The following PLCZ1 variants were observed in gnomAD, a reference collection of about 807,000 sequenced individuals.
PLCZ1 encodes the protein phospholipase C zeta 1.
A neutral mutation model predicts 76.8 loss-of-function variants in PLCZ1; 64 were observed. The ratio of observed to expected loss-of-function variants is 0.83; its 90% CI spans 0.68 to 1.03. PLCZ1 has a LOEUF of 1.03. Ranked by LOEUF, PLCZ1 falls within the 50% of genes least tolerant of loss-of-function variation. The pLI is 0.00. For missense variants in PLCZ1, 751 were observed against 713.7 expected, an observed-to-expected ratio of 1.05 and a Z score of -0.60; for synonymous variants, 248 against 230.8, an observed-to-expected ratio of 1.07 and a Z score of -0.68.
In PLCZ1 at chr12:18,723,556, G is replaced by A; in HGVS notation, c.136-14C>T. On this transcript the variant is annotated splice_polypyrimidine_tract_variant and intron_variant, in intron 3 of 14. Coordinates refer to ENST00000266505, the MANE Select transcript of PLCZ1 (RefSeq NM_033123.4). ...CCTGTCATTGTCCTACTAAAAAAAT[G>A]ACTGGTGGGCTCACATTGTGAGTAT... 6.3e-7 allele frequency: 1 copy of A among 1,589,788 alleles called. No individual in the cohort carries two copies. Among genetic ancestry groups the A allele is most frequent in the Non-Finnish European group, 8.6e-7 (1 of 1,159,870 alleles).
the PLCZ1 span, among the ~76,000 whole-genome samples, chr12:18,660,121 A>T: frequency 6.6e-6 from 1 of 152,134 alleles, no homozygotes; most frequent in East Asian, 1.9e-4. Context: ...GAGTCTACTG[A>T]AGGCTTGCTT....
chr12:18,667,954 C>T, the PLCZ1 span, among the ~76,000 whole-genome samples: 1 of 152,070 alleles, frequency 6.6e-6, no homozygotes, highest in South Asian at 2.1e-4. Context: ...AACTTTGAGT[C>T]CTGAGGAGAA....
chr12:18,663,251 A>C, the PLCZ1 span, among the ~76,000 whole-genome samples: 1 of 152,128 alleles, frequency 6.6e-6, no homozygotes, highest in Non-Finnish European at 1.5e-5. Flanking sequence ...AAGGAAATAA[A>C]AGACATCTAA....
the PLCZ1 span, among the ~76,000 whole-genome samples, chr12:18,658,154 C>T: frequency 1.3e-5 from 2 of 151,824 alleles, no homozygotes; most frequent in Admixed American, 1.3e-4. Flanking sequence ...ATCTGAGGAA[C>T]AAAAGGAATA....
chr12:18,676,010 T>TA, the PLCZ1 span, among the ~76,000 whole-genome samples: 59,349 of 151,236 alleles, frequency 0.39, 14,060 homozygotes, highest in South Asian at 0.6. Flanking sequence ...TGAATCTATT[T>TA]AAAAAAAAAC....
chr12:18,649,925 C>G, the PLCZ1 span, among the ~76,000 whole-genome samples: 1 of 152,072 alleles, frequency 6.6e-6, no homozygotes, highest in South Asian at 2.1e-4. Context: ...CTCCTCTCCA[C>G]CACCTCCAGT....
downstream of PLCZ1, among the ~76,000 whole-genome samples, chr12:18,681,720 A>C (rs191813409): frequency 2.7e-4 from 41 of 152,198 alleles, no homozygotes; most frequent in Admixed American, 1.8e-3. Context: ...GAATATTTCA[A>C]AATGAACAAT....
At chr12:18,673,027 C>T in the PLCZ1 span, among the ~76,000 whole-genome samples, 1 of 152,104 alleles carries the variant, frequency 6.6e-6, no homozygotes, top group Non-Finnish European at 1.5e-5. Context: ...CATTAAAATA[C>T]AGAAGTGTTT....
the PLCZ1 span, among the ~76,000 whole-genome samples, chr12:18,664,828 C>CA: frequency 3.3e-5 from 5 of 150,578 alleles, no homozygotes; most frequent in African/African-American, 7.3e-5. Flanking sequence ...TATGCAGCCA[C>CA]AAAAAATGAT....
At chr12:18,711,381 T>A (rs1957306516) in intron 6 of PLCZ1, among the ~76,000 whole-genome samples, 1 of 84,882 alleles carries the variant, frequency 1.2e-5, no homozygotes, top group Non-Finnish European at 2.1e-5. Context: ...CTGGGGACTG[T>A]TGTGGGGTGG....
chr12:18,680,065 A>G (rs1408205115), downstream of PLCZ1, among the ~76,000 whole-genome samples: 2 of 151,898 alleles, frequency 1.3e-5, no homozygotes, highest in African/African-American at 4.8e-5. Flanking sequence ...TGGTACACAT[A>G]TTTCCAGTGT....
At chr12:18,714,757 G>A (rs374166817) in intron 5 of PLCZ1, 10 of 152,228 alleles carry the variant, frequency 6.6e-5, no homozygotes, top group African/African-American at 2.4e-4. Flanking sequence ...ACTGGAGATA[G>A]GGAGAGGTTT....
intron 10 of PLCZ1, 118 bp downstream of exon 10, chr12:18,699,676 A>C (rs1955624974): frequency 5.4e-6 from 6 of 1,105,794 alleles, no homozygotes; most frequent in South Asian, 2.6e-5. Context: ...AATTATGTTA[A>C]ATGTGTTGAA....
chr12:18,716,408 G>A (rs1382283160), intron 5 of PLCZ1, among the ~76,000 whole-genome samples: 1 of 152,310 alleles, frequency 6.6e-6, no homozygotes, highest in Non-Finnish European at 1.5e-5. Flanking sequence ...CCAGCAAAAT[G>A]TTTTCAGTGA....
At chr12:18,676,153 A>T in the PLCZ1 span, among the ~76,000 whole-genome samples, 4 of 152,156 alleles carry the variant, frequency 2.6e-5, no homozygotes, top group African/African-American at 7.2e-5. Context: ...AGACAGCTAG[A>T]AAATGGACCC....
the PLCZ1 span, among the ~76,000 whole-genome samples, chr12:18,657,625 T>C: frequency 6.6e-6 from 1 of 152,102 alleles, no homozygotes; most frequent in Non-Finnish European, 1.5e-5. Context: ...GATACAACAA[T>C]GAATACATAC....
intron 5 of PLCZ1, 120 bp downstream of exon 5, chr12:18,719,311 A>G: frequency 3.9e-6 from 2 of 517,344 alleles, no homozygotes; most frequent in Non-Finnish European, 3.2e-6. Flanking sequence ...TCTATTCCCT[A>G]TGAGTTTGGA....
chr12:18,694,932 A>G lies in PLCZ1; in HGVS notation c.1439T>C (p.Met480Thr), dbSNP rs578005805. 10 of 1,600,658 alleles carry G rather than the reference A, an allele frequency of 6.2e-6. No homozygotes were observed. Among genetic ancestry groups the G allele is most frequent in the Non-Finnish European group, 8.6e-6 (10 of 1,169,292 alleles). Residue 480 changes from methionine to threonine, a missense_variant, in exon 12 of 15, where the codon ATG becomes ACG. Met to Thr is a moderately conservative substitution (Grantham distance 81, BLOSUM62 -1). Coordinates refer to ENST00000266505, the MANE Select transcript of PLCZ1 (RefSeq NM_033123.4). ...YFNPSNIKEG[M>T]PITLTIRLIS... is the part of the protein sequence containing the mutation. ...TACCCTTATTGTAAGTGTAATTGGC[A>G]TACCCTCTTTTATGTTACTTGGGTT... is the stretch of plus-strand genomic sequence containing the variant.
downstream of PLCZ1, among the ~76,000 whole-genome samples, chr12:18,682,913 A>G (rs1473961072): frequency 1.3e-5 from 2 of 152,072 alleles, no homozygotes; most frequent in Non-Finnish European, 2.9e-5. Context: ...ATATTTGCCA[A>G]TGTATATTTT....
Sources: allele counts gnomAD v4.1 joint callset (sites outside exome capture counted in the v4.1 genomes callset), GRCh38; gene constraint gnomAD v4.1.1; transcripts MANE v1.5; gene names NCBI Gene and HGNC (gene_info 2026-07-23, HGNC 2026-07-21).